Variants in FBLN1 observed in about 807,000 individuals in gnomAD.
The protein encoded by FBLN1 is fibulin-1.
Under a neutral mutation model 89.7 loss-of-function variants are expected in FBLN1, and 34 were observed. That is an observed-to-expected ratio of 0.38 (90% CI 0.29 to 0.50). The LOEUF is 0.50. Ranked by LOEUF, FBLN1 falls within the 20% of genes least tolerant of loss-of-function variation. The probability of loss-of-function intolerance (pLI) is 0.92; values close to 1 mark genes in which losing one functional copy is unlikely to be tolerated. For missense variants in FBLN1, 777 were observed against 988.1 expected (o/e 0.79, Z 2.86); for synonymous variants, 393 against 391.3 (o/e 1.00, Z -0.05).
In FBLN1 at chr22:45,578,851, C is replaced by T. The variant is rs190548942; in HGVS notation, c.1972+1743C>T. ...TTTCCGTTTCTGAACCCTTCTTGAG[C>T]CTCTACCTGTGCCTGACCCTGGGCT... On this transcript the variant is annotated intron_variant, in intron 16 of 16. Transcript: ENST00000327858. This position sits in a 1 kb window ranked among gnomAD's most constrained non-coding sequence, Gnocchi z 4.6. Among the ~76,000 whole-genome samples, 1 of 152,366 alleles carries T rather than the reference C, an allele frequency of 6.6e-6. No homozygotes were observed. The highest frequency in any genetic ancestry group is 1.9e-4 in the East Asian group (1 of 5,192).
chr22:45,528,185 C>T (rs1272322122), intron 4 of FBLN1, among the ~76,000 whole-genome samples, 176 bp downstream of exon 4: 1 of 152,182 alleles, frequency 6.6e-6, no homozygotes, highest in Non-Finnish European at 1.5e-5. Flanking sequence ...GAAGGAGGGG[C>T]ATTGCAGCTG....
At chr22:45,504,721 G>C (rs2087995367) in intron 1 of FBLN1, among the ~76,000 whole-genome samples, 1 of 152,164 alleles carries the variant, frequency 6.6e-6, no homozygotes. Context: ...CCCTATGTGT[G>C]TGTGACTGAA....
intron 16 of FBLN1, among the ~76,000 whole-genome samples, chr22:45,585,549 G>A (rs1377064313): frequency 1.3e-5 from 2 of 152,210 alleles, no homozygotes; most frequent in Non-Finnish European, 1.5e-5. Context: ...TGGCTTTCAC[G>A]GCAAATCCCA....
chr22:45,505,159 C>T (rs561141672), intron 1 of FBLN1, among the ~76,000 whole-genome samples: 4 of 152,232 alleles, frequency 2.6e-5, no homozygotes, highest in Admixed American at 1.3e-4. Context: ...TGTGTCTGTC[C>T]GTCCCGTTGG....
At chr22:45,586,015 C>G (rs1266776720) in intron 16 of FBLN1, among the ~76,000 whole-genome samples, 1 of 117,562 alleles carries the variant, frequency 8.5e-6, no homozygotes, top group Non-Finnish European at 1.7e-5. Flanking sequence ...CCAGACCCCT[C>G]AGAAGGCTTG....
At chr22:45,548,842 C>T in intron 13 of FBLN1, 98 bp downstream of exon 13, 2 of 1,553,552 alleles carry the variant, frequency 1.3e-6, no homozygotes, top group Non-Finnish European at 1.7e-6. Context: ...CTTCCCCAAC[C>T]CAAGGGCCAC....
rs1213649671 is a variant in FBLN1, at chr22:45,530,144, T to C, written c.485-1121T>C. Among the ~76,000 whole-genome samples, 1 of 152,068 alleles carries C rather than the reference T, an allele frequency of 6.6e-6. No homozygotes were observed. Among genetic ancestry groups the C allele is most frequent in the Non-Finnish European group, 1.5e-5 (1 of 68,012 alleles). ...ACTGAGATGATTTCAGATGTTACAG[T>C]CATCAAGAGGGATTGGGGCCGCATT... On this transcript the variant is annotated intron_variant, in intron 4 of 16. Transcript: ENST00000327858. This position sits in a 1 kb window ranked among gnomAD's most constrained non-coding sequence, Gnocchi z 5.4.
chr22:45,546,151 G>A (rs944866582), intron 11 of FBLN1, among the ~76,000 whole-genome samples: 1 of 149,418 alleles, frequency 6.7e-6, no homozygotes, highest in Non-Finnish European at 1.5e-5. Flanking sequence ...TTGTACTCCA[G>A]CCTGGGCGAC....
chr22:45,535,884 T>A (rs1454853608), intron 8 of FBLN1, among the ~76,000 whole-genome samples: 1 of 152,240 alleles, frequency 6.6e-6, no homozygotes, highest in East Asian at 1.9e-4. Context: ...ATTAAAAAAT[T>A]ATTTTAAAAA....
intron 9 of FBLN1, 42 bp from the exon 10 acceptor site, chr22:45,542,113 A>G: frequency 6.2e-7 from 1 of 1,613,914 alleles, no homozygotes; most frequent in Non-Finnish European, 8.5e-7. Flanking sequence ...GAAAAAACCC[A>G]AACTAAAGGT....
intron 11 of FBLN1, among the ~76,000 whole-genome samples, chr22:45,544,728 A>G (rs189339493): frequency 6.6e-6 from 1 of 152,276 alleles, no homozygotes; most frequent in Non-Finnish European, 1.5e-5. Flanking sequence ...GCCACGCTGA[A>G]GTTGGGTCAG....
At chr22:45,521,098 G>T (rs1323497985) in intron 2 of FBLN1, among the ~76,000 whole-genome samples, 1 of 152,240 alleles carries the variant, frequency 6.6e-6, no homozygotes, top group Non-Finnish European at 1.5e-5. Flanking sequence ...TTATGGGCAT[G>T]AGCCACTGCG....
Position 45,550,778 on chromosome 22 carries a change from C to T in FBLN1, c.1697+163C>T, listed in dbSNP as rs2088692009. The T allele has an allele frequency of 2.0e-6, 2 of 989,642 alleles. No individual in the cohort carries two copies. The highest frequency in any genetic ancestry group is 4.9e-5 in the East Asian group (2 of 41,140). The allele number at this position is 989,642 out of a possible 1,614,324, so 61.3% of individuals were successfully genotyped here. On this transcript the variant is annotated intron_variant, in intron 14 of 16. Coordinates refer to ENST00000327858, the MANE Select transcript of FBLN1 (RefSeq NM_006486.3). The surrounding 1 kb of genome is among the most constrained non-coding windows in gnomAD (Gnocchi z 8.4). ...TCCCTGGCCCTCAAGCCCCTAAATG[C>T]TAGTGACACTGGTCTCGGAAAGTCA...
chr22:45,573,698 A>C (rs1390299033), intron 14 of FBLN1, among the ~76,000 whole-genome samples: 1 of 150,024 alleles, frequency 6.7e-6, no homozygotes, highest in African/African-American at 2.4e-5. Context: ...AAAAAAAAAA[A>C]AAACCCAAGT....
At chr22:45,510,307 A>G (rs936149260) in intron 1 of FBLN1, among the ~76,000 whole-genome samples, 7 of 151,952 alleles carry the variant, frequency 4.6e-5, no homozygotes, top group South Asian at 2.1e-4. Flanking sequence ...CTTTCACCCT[A>G]TTTTGTTGCA....
At chr22:45,543,374 C>T (rs1280724796) in intron 10 of FBLN1, 27 bp from the exon 11 acceptor site, 2 of 1,609,606 alleles carry the variant, frequency 1.2e-6, no homozygotes, top group Non-Finnish European at 1.7e-6. Context: ...GGACATTGCC[C>T]TGAGTCAGCC....
chr22:45,559,115 A>C (rs1339662369), intron 14 of FBLN1, among the ~76,000 whole-genome samples: 1 of 152,238 alleles, frequency 6.6e-6, no homozygotes, highest in Admixed American at 6.5e-5. Context: ...GCTGAAGACA[A>C]ATTGCTTCTG....
chr22:45,533,326 G>A (rs892643570), intron 6 of FBLN1, among the ~76,000 whole-genome samples, 162 bp downstream of exon 6: 12 of 152,224 alleles, frequency 7.9e-5, no homozygotes, highest in South Asian at 2.1e-4. Flanking sequence ...AGTTTGCAGC[G>A]CAGAGGCCCC....
At chr22:45,519,615 ACT>A (rs1017736116) in intron 2 of FBLN1, among the ~76,000 whole-genome samples, 54 of 134,064 alleles carry the variant, frequency 4.0e-4, no homozygotes, top group African/African-American at 1.4e-3. Context: ...CAACAGCGAA[ACT>A]CTAACTCAAA....
Sources: gnomAD v4.1 joint callset for allele counts (sites outside exome capture counted in the v4.1 genomes callset) on GRCh38, gnomAD v4.1.1 for gene constraint, Gnocchi (gnomAD v3.1) non-coding constraint, MANE v1.5 for transcripts, NCBI Gene and HGNC (gene_info 2026-07-23, HGNC 2026-07-21) for gene names.